Variants in CIT observed in about 807,000 individuals in gnomAD.
The protein encoded by CIT is citron rho-interacting serine/threonine kinase, also known as citron Rho-interacting kinase.
CIT carries 79 observed loss-of-function variants against 272.7 expected under a neutral mutation model. The ratio of observed to expected loss-of-function variants is 0.29; its 90% CI spans 0.24 to 0.35. The LOEUF is 0.35. CIT is among the 10% of genes least tolerant of loss of function. The pLI is 1.00. For missense variants in CIT, 1,909 were observed against 2,618.3 expected, an observed-to-expected ratio of 0.73 and a Z score of 5.91; for synonymous variants, 948 against 995.6, an observed-to-expected ratio of 0.95 and a Z score of 0.90.
chr12:119,863,201 C>CAA (rs751421292), intron 3 of CIT, among the ~76,000 whole-genome samples: 3,422 of 39,380 alleles, frequency 0.087, 206 homozygotes, highest in African/African-American at 0.15. Flanking sequence ...GACTCTGTAT[C>CAA]AAAAAAAAAA....
chr12:119,788,804 T>C (rs1965036959), intron 10 of CIT, among the ~76,000 whole-genome samples: 1 of 152,244 alleles, frequency 6.6e-6, no homozygotes, highest in South Asian at 2.1e-4. Context: ...TTCATTCTGC[T>C]ATTCTATGTT....
At chr12:119,862,029 C>G (rs1429286362) in intron 3 of CIT, among the ~76,000 whole-genome samples, 1 of 152,112 alleles carries the variant, frequency 6.6e-6, no homozygotes, top group Non-Finnish European at 1.5e-5. Context: ...AGGATGGAGT[C>G]TCACTCTGTC....
intron 18 of CIT, 65 bp from the exon 19 acceptor site, chr12:119,767,247 A>G: frequency 2.4e-6 from 3 of 1,236,996 alleles, no homozygotes; most frequent in Non-Finnish European, 3.4e-6. Flanking sequence ...CACGTTAGAC[A>G]TTCACAGGAA....
intron 32 of CIT, among the ~76,000 whole-genome samples, chr12:119,715,544 G>T (rs1174183543): frequency 1.3e-5 from 2 of 151,960 alleles, no homozygotes; most frequent in Non-Finnish European, 2.9e-5. Flanking sequence ...GGAGAATGGC[G>T]GGGGACTGAT....
chr12:119,710,578 G>A lies in CIT; in HGVS notation c.4897C>T (p.Arg1633Cys), dbSNP rs759128008. 1.8e-5 allele frequency: 29 copies of A among 1,614,038 alleles called. No homozygotes were observed. Among genetic ancestry groups the A allele is most frequent in the South Asian group, 7.7e-5 (7 of 91,078 alleles). Residue 1633 changes from arginine (R) to cysteine (C), a missense_variant, in exon 38 of 48, where the codon CGT becomes TGT. By Grantham distance (180) the Arg-to-Cys change is radical. Around this residue, in one of 8 missense-constraint regions of CIT, gnomAD observed 780 missense variants for 1,067.2 expected, o/e 0.73. Transcript: ENST00000392521. The surrounding 1 kb of genome is among the most constrained non-coding windows in gnomAD (Gnocchi z 5.6). ...GGCAGCGTGCAGTTCATGTCTAGAC[G>A]GTCATCACCTTCCAGTTTCAGCAGG... ...NSLLKLEGDDRLDMNCTLPFS... is the reference protein window; with the variant it reads ...NSLLKLEGDDCLDMNCTLPFS...
rs529097647 is a variant in CIT at position 119,724,060 on chromosome 12, G to A, written c.3592-2611C>T. 1.6e-3 allele frequency among the ~76,000 whole-genome samples: 237 copies of A among 152,272 alleles called. 2 individuals carry two copies. The highest frequency in any genetic ancestry group is 4.1e-3 in the Admixed American group (62 of 15,294). ...AATCCTAGCACTTTGGGAGGCCAAG[G>A]CAGGAGGATCGCTTGAGCCCAGGAG... On this transcript the variant is annotated intron_variant, in intron 28 of 47. Coordinates refer to ENST00000392521, the MANE Select transcript of CIT (RefSeq NM_001206999.2).
At chr12:119,871,108 C>T (rs1950663190) in intron 2 of CIT, among the ~76,000 whole-genome samples, 1 of 126,628 alleles carries the variant, frequency 7.9e-6, no homozygotes, top group African/African-American at 3.1e-5. Context: ...GACAGGGCGA[C>T]AGTCTGTCTT....
chr12:119,826,467 T>G (rs1968168206), intron 7 of CIT, among the ~76,000 whole-genome samples: 1 of 152,210 alleles, frequency 6.6e-6, no homozygotes, highest in Non-Finnish European at 1.5e-5. Context: ...TGTTTCTGGA[T>G]ATGCTGTTGA....
intron 3 of CIT, among the ~76,000 whole-genome samples, chr12:119,866,727 G>A (rs1397682567): frequency 6.6e-6 from 1 of 152,194 alleles, no homozygotes; most frequent in Non-Finnish European, 1.5e-5. Flanking sequence ...GCTGAGACAG[G>A]AGGATTGCTT....
chr12:119,821,222 G>A (rs1967679883), intron 9 of CIT, among the ~76,000 whole-genome samples: 1 of 151,708 alleles, frequency 6.6e-6, no homozygotes. Context: ...TTGAACCCAA[G>A]AGGCGGAGGT....
intron 40 of CIT, among the ~76,000 whole-genome samples, chr12:119,706,387 C>A (rs138739139): frequency 5.9e-5 from 9 of 152,204 alleles, no homozygotes; most frequent in African/African-American, 2.2e-4. Context: ...TCATCACCTG[C>A]GTATTAAGCC....
intron 5 of CIT, 39 bp from the exon 6 acceptor site, chr12:119,834,267 C>G: frequency 6.5e-7 from 1 of 1,535,138 alleles, no homozygotes; most frequent in Non-Finnish European, 8.8e-7. Flanking sequence ...TTCACACACC[C>G]AAAAATAGGG....
At chr12:119,826,176 C>A (rs1436844058) in intron 7 of CIT, among the ~76,000 whole-genome samples, 1 of 152,134 alleles carries the variant, frequency 6.6e-6, no homozygotes, top group Admixed American at 6.5e-5. Context: ...CCTACTTCAA[C>A]CCACCCACAG....
chr12:119,801,155 A>G (rs1462343266), intron 10 of CIT, among the ~76,000 whole-genome samples: 1 of 152,242 alleles, frequency 6.6e-6, no homozygotes, highest in Non-Finnish European at 1.5e-5. Context: ...CTTATTAAAC[A>G]TTCTGTTGGG....
chr12:119,809,828 C>A (rs1049356038), intron 9 of CIT, among the ~76,000 whole-genome samples: 2 of 152,214 alleles, frequency 1.3e-5, no homozygotes, highest in Admixed American at 1.3e-4. Flanking sequence ...CGTGCAATCC[C>A]ATTTCTACAT....
chr12:119,761,599 G>A (rs77664892), intron 19 of CIT, among the ~76,000 whole-genome samples: 2,456 of 152,178 alleles, frequency 0.016, 72 homozygotes, highest in African/African-American at 0.057. Context: ...AAACAACCAG[G>A]GACAAGAGGC....
intron 10 of CIT, among the ~76,000 whole-genome samples, chr12:119,802,488 T>C (rs1407247115): frequency 1.3e-5 from 2 of 152,332 alleles, no homozygotes; most frequent in East Asian, 3.9e-4. Context: ...GTGATATTTA[T>C]ATTTCCATTT....
Position 119,710,554 on chromosome 12 carries a change from G to C in CIT, c.4921C>G (p.Pro1641Ala). 6.2e-7 allele frequency: 1 copy of C among 1,614,216 alleles called. No individual in the cohort carries two copies. The change falls in exon 38 of 48, where the codon CCC becomes GCC. Residue 1641 changes from proline (P) to alanine (A), a missense_variant. Around this residue, in one of 8 missense-constraint regions of CIT, gnomAD observed 780 missense variants for 1,067.2 expected, o/e 0.73. Coordinates refer to ENST00000392521, the MANE Select transcript of CIT (RefSeq NM_001206999.2). This position sits in a 1 kb window ranked among gnomAD's most constrained non-coding sequence, Gnocchi z 5.6. Reference sequence around the variant, plus strand: ...GCAAGCATTACCTGGTCACTGAAGGGCAGCGTGCAGTTCATGTCTAGACGG... The same window carrying C: ...GCAAGCATTACCTGGTCACTGAAGGCCAGCGTGCAGTTCATGTCTAGACGG... ...DDRLDMNCTL[P>A]FSDQVVLVGT...
At chr12:119,850,568 A>G (rs1311377117) in intron 4 of CIT, among the ~76,000 whole-genome samples, 1 of 152,014 alleles carries the variant, frequency 6.6e-6, no homozygotes, top group Non-Finnish European at 1.5e-5. Flanking sequence ...AATTGCATAA[A>G]TCTCAATCAT....
Sources: gnomAD v4.1 joint callset for allele counts (sites outside exome capture counted in the v4.1 genomes callset) on GRCh38, gnomAD v4.1.1 for gene constraint, gnomAD v4.1.1 regional missense constraint, Gnocchi (gnomAD v3.1) non-coding constraint, MANE v1.5 for transcripts, NCBI Gene and HGNC (gene_info 2026-07-23, HGNC 2026-07-21) for gene names.